Variants in MREG observed in about 807,000 individuals in gnomAD.
MREG encodes melanoregulin, also known as dilute suppressor protein homolog.
Under a neutral mutation model 28.5 loss-of-function variants are expected in MREG, and 31 were observed. The ratio of observed to expected loss-of-function variants is 1.09; its 90% CI spans 0.82 to 1.47. The LOEUF is 1.47. Among genes scored for constraint, MREG ranks in the 40% most tolerant of loss-of-function variants. MREG has a pLI of 0.00. For missense variants in MREG, 256 were observed against 257.4 expected (o/e 0.99, Z 0.04); for synonymous variants, 106 against 95.2 (o/e 1.11, Z -0.66).
At chr2:216,024,265 G>A (rs540316819) in intron 1 of MREG, among the ~76,000 whole-genome samples, 3 of 152,070 alleles carry the variant, frequency 2.0e-5, no homozygotes, top group East Asian at 3.9e-4. Context: ...GGCCAGGCAC[G>A]GTAGCTCAGA....
At chr2:215,972,395 C>T (rs1200038010) in intron 2 of MREG, among the ~76,000 whole-genome samples, 1 of 152,144 alleles carries the variant, frequency 6.6e-6, no homozygotes, top group African/African-American at 2.4e-5. Context: ...GTAATCCCAG[C>T]ACTTTGGGAG....
chr2:216,005,861 A>AG (rs71047956), intron 1 of MREG, among the ~76,000 whole-genome samples: 1 of 146,370 alleles, frequency 6.8e-6, no homozygotes, highest in African/African-American at 2.6e-5. Context: ...AAAAAAAAAA[A>AG]GCTAAGTAAG....
At chr2:215,972,556 C>T (rs115960022) in intron 2 of MREG, among the ~76,000 whole-genome samples, 2,576 of 138,128 alleles carry the variant, frequency 0.019, 28 homozygotes, top group Non-Finnish European at 0.028. Context: ...GGCGAGGTTG[C>T]GGTGAGCCGA....
downstream of MREG, among the ~76,000 whole-genome samples, chr2:215,942,077 A>G (rs1020004187): frequency 2.0e-5 from 3 of 152,196 alleles, no homozygotes; most frequent in African/African-American, 7.2e-5. Flanking sequence ...CCTTTAAGAA[A>G]GCATAAATAA....
At chr2:215,980,843 A>AGGAGGAGAGG (rs1406540718) in intron 2 of MREG, among the ~76,000 whole-genome samples, 5 of 77,108 alleles carry the variant, frequency 6.5e-5, no homozygotes, top group African/African-American at 2.6e-4. Flanking sequence ...AGAAGCAGAG[A>AGGAGGAGAGG]GGAGGGGAGG....
At chr2:215,987,784 T>A (rs534340412) in intron 2 of MREG, among the ~76,000 whole-genome samples, 1 of 152,190 alleles carries the variant, frequency 6.6e-6, no homozygotes, top group Non-Finnish European at 1.5e-5. Flanking sequence ...ATGCCTGTAA[T>A]CCTAGTTACT....
At chr2:215,975,482 A>G (rs1002036466) in intron 2 of MREG, among the ~76,000 whole-genome samples, 2 of 152,220 alleles carry the variant, frequency 1.3e-5, no homozygotes, top group Non-Finnish European at 2.9e-5. Context: ...CCTTAAAAAG[A>G]GCTAGTCAGT....
At chr2:215,987,774 A>T (rs946405166) in intron 2 of MREG, among the ~76,000 whole-genome samples, 4 of 152,134 alleles carry the variant, frequency 2.6e-5, no homozygotes, top group Admixed American at 2.6e-4. Flanking sequence ...GTGGTGGCGC[A>T]TGCCTGTAAT....
intron 4 of MREG, among the ~76,000 whole-genome samples, 177 bp from the exon 5 acceptor site, chr2:215,945,174 A>C (rs2105964440): frequency 6.6e-6 from 1 of 152,340 alleles, no homozygotes; most frequent in Admixed American, 6.5e-5. Flanking sequence ...CTTTAGTTAC[A>C]TTATCCAAGA....
intron 2 of MREG, among the ~76,000 whole-genome samples, chr2:215,992,155 C>A (rs1215673990): frequency 6.6e-6 from 1 of 152,182 alleles, no homozygotes; most frequent in Non-Finnish European, 1.5e-5. Flanking sequence ...CAATAAAATA[C>A]TGGCAAACTG....
intron 2 of MREG, among the ~76,000 whole-genome samples, chr2:215,970,116 C>G (rs777961654): frequency 3.9e-5 from 6 of 152,188 alleles, no homozygotes; most frequent in Admixed American, 2.6e-4. Context: ...GACACAATCT[C>G]TTTACAGAAG....
At chr2:215,984,325 A>G (rs1693507391) in intron 2 of MREG, among the ~76,000 whole-genome samples, 1 of 152,104 alleles carries the variant, frequency 6.6e-6, no homozygotes, top group Admixed American at 6.6e-5. Flanking sequence ...GGACACAGCC[A>G]AACCATATCA....
rs539814029 is a variant in MREG, at chr2:215,943,552, A to C, written c.*1311T>G. 3 of 455,622 alleles carry C rather than the reference A, an allele frequency of 6.6e-6. No homozygotes were observed. In the East Asian group the frequency reaches 2.1e-4, roughly 32 times the overall value. The allele number at this position is 455,622 out of a possible 1,614,324, so 28.2% of individuals were successfully genotyped here. On this transcript the variant is annotated 3_prime_UTR_variant, in exon 5 of 5. Coordinates refer to ENST00000263268, the MANE Select transcript of MREG (RefSeq NM_018000.3). The stretch of plus-strand genomic sequence containing the variant: ...CAGATGCTATTCCAGATAAAATGCC[A>C]AGGGCTTGGCCGGGCGCGGTGACTC...
chr2:216,030,602 G>A (rs1694664540), intron 1 of MREG, among the ~76,000 whole-genome samples: 1 of 151,760 alleles, frequency 6.6e-6, no homozygotes, highest in Non-Finnish European at 1.5e-5. Flanking sequence ...GGAGTGTAGT[G>A]GCACAATCTC....
chr2:216,012,715 G>C (rs1005418120), intron 1 of MREG, among the ~76,000 whole-genome samples: 3 of 152,156 alleles, frequency 2.0e-5, no homozygotes, highest in Non-Finnish European at 2.9e-5. Context: ...ACATCCTAGT[G>C]AATAGGCTGC....
chr2:215,945,826 C>T (rs1692305358), intron 3 of MREG, 92 bp from the exon 4 acceptor site: 3 of 1,089,196 alleles, frequency 2.8e-6, no homozygotes, highest in Admixed American at 2.6e-5. Context: ...CGAACAGACC[C>T]ATGTGGATTC....
intron 1 of MREG, among the ~76,000 whole-genome samples, chr2:216,019,252 T>G (rs964538703): frequency 1.3e-5 from 2 of 152,194 alleles, no homozygotes; most frequent in African/African-American, 4.8e-5. Flanking sequence ...TAACCCCATA[T>G]AGTCCCCTGA....
At chr2:215,952,742 GA>G (rs1326351957) in intron 2 of MREG, among the ~76,000 whole-genome samples, 1 of 151,934 alleles carries the variant, frequency 6.6e-6, no homozygotes, top group East Asian at 1.9e-4. Context: ...GATACAAAAT[GA>G]AAACCAGAGG....
intron 2 of MREG, among the ~76,000 whole-genome samples, chr2:215,969,885 G>A (rs536072739): frequency 6.6e-6 from 1 of 152,140 alleles, no homozygotes; most frequent in Non-Finnish European, 1.5e-5. Context: ...AGCGGGTTCA[G>A]AGGGAAAGAA....
Sources: allele counts gnomAD v4.1 joint callset (sites outside exome capture counted in the v4.1 genomes callset), GRCh38; gene constraint gnomAD v4.1.1; transcripts MANE v1.5; gene names NCBI Gene and HGNC (gene_info 2026-07-23, HGNC 2026-07-21).